Variants in CCDC144A observed in about 807,000 individuals in gnomAD.
CCDC144A encodes coiled-coil domain containing 144A.
CCDC144A carries 41 observed loss-of-function variants against 143.8 expected under a neutral mutation model. That is an observed-to-expected ratio of 0.29 (90% confidence interval 0.22 to 0.37). The LOEUF is 0.37. CCDC144A is among the 10% of genes least tolerant of loss of function. The pLI, the probability that CCDC144A is intolerant of heterozygous loss-of-function variation, is 1.00. For missense variants in CCDC144A, 637 were observed against 1,488.8 expected, an observed-to-expected ratio of 0.43 and a Z score of 9.41; for synonymous variants, 242 against 517.9, an observed-to-expected ratio of 0.47 and a Z score of 7.23.
intron 16 of CCDC144A, chr17:16,772,797 TGTTTTATACCTGTCAGG>T: frequency 6.6e-7 from 1 of 1,505,220 alleles, no homozygotes; most frequent in Admixed American, 2.1e-5. Flanking sequence ...AATAGTGCCC[TGTTTTATACCTGTCAGG>T]GTATCTATGA....
rs1437131119 is a variant in CCDC144A at position 16,723,692 on chromosome 17, C to CTA, written c.1891+3043_1891+3044dup. ...AACAGGTGAATGAGCCCTCTGGGGT[C>CTA]TATATATATAAGGGCACTAATCCCA... On this transcript the variant is annotated intron_variant, in intron 8 of 16. Coordinates refer to ENST00000399273, the MANE Select transcript of CCDC144A (RefSeq NM_001382000.1). Among the ~76,000 whole-genome samples, 4 of 151,968 alleles carry CTA rather than the reference C, an allele frequency of 2.6e-5. No homozygotes were observed. In the East Asian group the frequency reaches 7.7e-4, roughly 29 times the overall value.
chr17:16,699,454 C>G (rs1329595357), intron 2 of CCDC144A, among the ~76,000 whole-genome samples: 4 of 131,384 alleles, frequency 3.0e-5, no homozygotes, highest in Non-Finnish European at 3.2e-5. Context: ...CGGCTCACTG[C>G]AAGCTCCGCC....
intron 6 of CCDC144A, among the ~76,000 whole-genome samples, chr17:16,713,377 A>G (rs1912558539): frequency 6.6e-6 from 1 of 152,004 alleles, no homozygotes; most frequent in African/African-American, 2.4e-5. Context: ...TTAAAAGATA[A>G]TGTATTTCAG....
chr17:16,708,007 G>T (rs1912155752), intron 4 of CCDC144A, among the ~76,000 whole-genome samples: 1 of 152,010 alleles, frequency 6.6e-6, no homozygotes, highest in Non-Finnish European at 1.5e-5. Context: ...TGACTTCACG[G>T]TCTACATTCA....
intron 12 of CCDC144A, among the ~76,000 whole-genome samples, 154 bp from the exon 13 acceptor site, chr17:16,761,271 T>C (rs1760645925): frequency 6.6e-6 from 1 of 151,864 alleles, no homozygotes; most frequent in African/African-American, 2.4e-5. Context: ...GAGGCAGAGC[T>C]TGTAGTGAGC....
chr17:16,688,408 T>C (rs1184643155), upstream of CCDC144A, among the ~76,000 whole-genome samples: 1 of 151,798 alleles, frequency 6.6e-6, no homozygotes, highest in Non-Finnish European at 1.5e-5. Context: ...AAATGCCAAC[T>C]GAGACCCCAG....
the CCDC144A span, among the ~76,000 whole-genome samples, chr17:16,684,382 G>A: frequency 3.9e-3 from 590 of 152,212 alleles, 6 homozygotes; most frequent in African/African-American, 0.014. Context: ...GAGGCTGGGC[G>A]CGGTGGCTCA....
intron 9 of CCDC144A, among the ~76,000 whole-genome samples, chr17:16,728,584 A>C (rs1172918342): frequency 3.3e-5 from 5 of 152,326 alleles, no homozygotes; most frequent in African/African-American, 1.2e-4. Context: ...CTTTTTGAAA[A>C]ATTTTTTTTA....
chr17:16,667,497 A>G, the CCDC144A span, among the ~76,000 whole-genome samples: 40 of 152,118 alleles, frequency 2.6e-4, no homozygotes, highest in Non-Finnish European at 4.7e-4. Flanking sequence ...GAAAGGCTGA[A>G]GGGCGGGCAG....
At chr17:16,723,969 T>C (rs1394478723) in intron 8 of CCDC144A, among the ~76,000 whole-genome samples, 2 of 152,020 alleles carry the variant, frequency 1.3e-5, no homozygotes, top group Non-Finnish European at 2.9e-5. Context: ...TCTTCTAATA[T>C]AGACATTAAG....
intron 12 of CCDC144A, among the ~76,000 whole-genome samples, chr17:16,749,567 T>C (rs557747016): frequency 1.3e-5 from 2 of 152,224 alleles, no homozygotes; most frequent in Non-Finnish European, 2.9e-5. Flanking sequence ...TATTCTGTAG[T>C]TGTTTGGTGG....
the CCDC144A span, among the ~76,000 whole-genome samples, chr17:16,675,289 G>A: frequency 0.022 from 3,287 of 150,484 alleles, 117 homozygotes; most frequent in African/African-American, 0.076. Context: ...AAAAAAAGTG[G>A]ATTTTTAAAA....
At chr17:16,683,054 G>A in the CCDC144A span, among the ~76,000 whole-genome samples, 1 of 151,606 alleles carries the variant, frequency 6.6e-6, no homozygotes, top group Non-Finnish European at 1.5e-5. Context: ...GTAGAATGGA[G>A]GTTACCAGGG....
the CCDC144A span, chr17:16,667,220 C>G: frequency 9.7e-6 from 2 of 206,324 alleles, no homozygotes; most frequent in African/African-American, 4.8e-5. Flanking sequence ...CTAACGGCGG[C>G]GGGGGCGGCT....
chr17:16,741,222 A>G lies in CCDC144A; in HGVS notation c.3372+5579A>G, dbSNP rs577967683. On this transcript the variant is annotated intron_variant, in intron 12 of 16. Transcript: ENST00000399273. ...AGAACAACATTCGTTAAGTTCACCA[A>G]TCTGTGGCTTGGGAAAACCTTGGCT... Among the ~76,000 whole-genome samples, 585 of 152,348 alleles carry G rather than the reference A, an allele frequency of 3.8e-3. 6 individuals carry two copies. The highest frequency in any genetic ancestry group is 0.013 in the African/African-American group (555 of 41,568).
rs1412727952 is a variant in CCDC144A at position 16,775,125 on chromosome 17, AG to A, written c.*1494del. Reference sequence around the variant, plus strand: ...TCCAGTTTATCATTGATGGGCTTTTAGGTTGATTCTTTGTCTTTGCTATTGT... The same window carrying A: ...TCCAGTTTATCATTGATGGGCTTTTAGTTGATTCTTTGTCTTTGCTATTGT... On this transcript the variant is annotated 3_prime_UTR_variant, in exon 17 of 17. Transcript: ENST00000399273. 3 of 152,194 alleles carry A rather than the reference AG, an allele frequency of 2.0e-5. No homozygotes were observed. The highest frequency in any genetic ancestry group is 7.2e-5 in the African/African-American group (3 of 41,430). 9.4% of individuals were successfully genotyped at this position (152,194 alleles called of 1,614,324 possible).
the CCDC144A span, chr17:16,683,592 C>T: frequency 6.2e-7 from 1 of 1,610,976 alleles, no homozygotes; most frequent in Non-Finnish European, 8.5e-7. Flanking sequence ...GGACCGGTTT[C>T]CTGCTGCCAG....
the CCDC144A span, chr17:16,684,314 T>C: frequency 1.4e-6 from 1 of 737,188 alleles, no homozygotes; most frequent in South Asian, 1.5e-5. Context: ...ATGTAAGTGG[T>C]TTAATGACAT....
chr17:16,704,954 G>A (rs1274369493), intron 2 of CCDC144A, among the ~76,000 whole-genome samples, 197 bp from the exon 3 acceptor site: 1 of 152,156 alleles, frequency 6.6e-6, no homozygotes, highest in African/African-American at 2.4e-5. Flanking sequence ...AAAAGTGAGA[G>A]ATGATAGTTA....
Sources: allele counts gnomAD v4.1 joint callset (sites outside exome capture counted in the v4.1 genomes callset), GRCh38; gene constraint gnomAD v4.1.1; transcripts MANE v1.5; gene names NCBI Gene and HGNC (gene_info 2026-07-23, HGNC 2026-07-21).